SRGAP1: variants seen among roughly 807,000 people sequenced by gnomAD.
The protein encoded by SRGAP1 is SLIT-ROBO Rho GTPase-activating protein 1.
In SRGAP1, 43 loss-of-function variants were observed where a neutral mutation model predicts 121.9. That is an observed-to-expected ratio of 0.35 (90% CI 0.28 to 0.46). SRGAP1 has a LOEUF of 0.46. Among genes scored for constraint, SRGAP1 ranks in the 20% least tolerant of loss-of-function variants. SRGAP1 has a pLI of 1.00. For missense variants in SRGAP1, 1,102 were observed against 1,350.9 expected (o/e 0.82, Z 2.89); for synonymous variants, 447 against 485.4 (o/e 0.92, Z 1.04).
intron 6 of SRGAP1, among the ~76,000 whole-genome samples, chr12:64,044,656 T>C (rs1233686359): frequency 7.4e-5 from 11 of 148,118 alleles, no homozygotes; most frequent in Non-Finnish European, 1.3e-4. Context: ...TTTAGCTTAT[T>C]AACACTCTGA....
At chr12:64,129,183 G>T (rs2036745800) in intron 21 of SRGAP1, among the ~76,000 whole-genome samples, 1 of 151,970 alleles carries the variant, frequency 6.6e-6, no homozygotes, top group Admixed American at 6.6e-5. Flanking sequence ...TACATATAAA[G>T]GGGAGTTTAT....
intron 10 of SRGAP1, among the ~76,000 whole-genome samples, chr12:64,085,604 C>T (rs2035923348): frequency 6.6e-6 from 1 of 152,130 alleles, no homozygotes; most frequent in Non-Finnish European, 1.5e-5. Flanking sequence ...ATTAGGATAT[C>T]CCATAAGGCA....
chr12:64,053,303 G>A (rs2035274781), intron 6 of SRGAP1, among the ~76,000 whole-genome samples: 1 of 152,198 alleles, frequency 6.6e-6, no homozygotes, highest in South Asian at 2.1e-4. Flanking sequence ...TAATAAGTAA[G>A]CAAACGGGTG....
intron 4 of SRGAP1, among the ~76,000 whole-genome samples, chr12:64,028,529 A>C (rs1418229364): frequency 6.6e-6 from 1 of 152,248 alleles, no homozygotes; most frequent in Non-Finnish European, 1.5e-5. Flanking sequence ...AAAATACCAC[A>C]AACTGGGTGG....
intron 3 of SRGAP1, among the ~76,000 whole-genome samples, chr12:64,002,058 C>T (rs922099781): frequency 6.6e-6 from 1 of 152,146 alleles, no homozygotes; most frequent in South Asian, 2.1e-4. Flanking sequence ...ACTTCTTTTC[C>T]TTCAGTATCC....
At chr12:63,960,214 A>G (rs1367304626) in intron 1 of SRGAP1, among the ~76,000 whole-genome samples, 1 of 152,206 alleles carries the variant, frequency 6.6e-6, no homozygotes, top group African/African-American at 2.4e-5. Flanking sequence ...CACCAACTGG[A>G]ATTCCGAGAG....
chr12:64,109,947 T>C (rs558769740), intron 16 of SRGAP1, among the ~76,000 whole-genome samples: 14 of 152,310 alleles, frequency 9.2e-5, no homozygotes, highest in African/African-American at 3.4e-4. Flanking sequence ...TAGGGAAATG[T>C]TGGCAGAGAA....
intron 21 of SRGAP1, 75 bp from the exon 22 acceptor site, chr12:64,142,220 T>G: frequency 6.6e-7 from 1 of 1,504,958 alleles, no homozygotes; most frequent in Non-Finnish European, 9.0e-7. Flanking sequence ...ACTTTGAAAT[T>G]AAGTGTCTGG....
intron 1 of SRGAP1, among the ~76,000 whole-genome samples, chr12:63,937,696 A>G (rs753534299): frequency 4.6e-5 from 7 of 152,222 alleles, no homozygotes; most frequent in Non-Finnish European, 8.8e-5. Context: ...GGCCTTTTGT[A>G]GCTTCTTAAT....
At chr12:64,100,036 C>A (rs1294803194) in intron 15 of SRGAP1, among the ~76,000 whole-genome samples, 1 of 152,146 alleles carries the variant, frequency 6.6e-6, no homozygotes, top group Non-Finnish European at 1.5e-5. Context: ...TGTTTCTTCA[C>A]CTACTTCATA....
chr12:64,003,630 A>G (rs2033983177), intron 3 of SRGAP1, among the ~76,000 whole-genome samples: 1 of 152,170 alleles, frequency 6.6e-6, no homozygotes, highest in South Asian at 2.1e-4. Context: ...GTAGTGTAAC[A>G]GATATTACCT....
chr12:63,923,583 T>C (rs2031148855), intron 1 of SRGAP1, among the ~76,000 whole-genome samples: 1 of 152,226 alleles, frequency 6.6e-6, no homozygotes, highest in Admixed American at 6.5e-5. Flanking sequence ...AATTATCTGC[T>C]TCCGAATGCC....
intron 6 of SRGAP1, 74 bp from the exon 7 acceptor site, chr12:64,062,843 C>G: frequency 1.8e-6 from 2 of 1,116,824 alleles, no homozygotes; most frequent in East Asian, 2.5e-5. Flanking sequence ...AGTTTTATAG[C>G]TGTAGGTCTC....
intron 10 of SRGAP1, among the ~76,000 whole-genome samples, chr12:64,083,464 T>G (rs1177607164): frequency 1.3e-5 from 2 of 152,206 alleles, no homozygotes; most frequent in Non-Finnish European, 2.9e-5. Context: ...TTTACAACAT[T>G]GTGAAGCAAC....
chr12:64,046,913 G>T (rs1420654828), intron 6 of SRGAP1, among the ~76,000 whole-genome samples: 2 of 151,278 alleles, frequency 1.3e-5, no homozygotes, highest in Non-Finnish European at 2.9e-5. Context: ...CCATTTTATA[G>T]ACTGAAAAAA....
chr12:64,124,192 T>C (rs1180158138), intron 18 of SRGAP1, among the ~76,000 whole-genome samples: 2 of 152,266 alleles, frequency 1.3e-5, no homozygotes, highest in African/African-American at 2.4e-5. Context: ...TTGGTTTTTA[T>C]GCTTTCGCCT....
chr12:63,983,844 A>ATT (rs2033339957), intron 1 of SRGAP1, 103 bp from the exon 2 acceptor site: 1 of 86,194 alleles, frequency 1.2e-5, no homozygotes, highest in Admixed American at 1.3e-4. Context: ...ATATATATAT[A>ATT]TATATATATA....
At chr12:64,032,518 C>A in intron 4 of SRGAP1, 1 of 1,209,352 alleles carries the variant, frequency 8.3e-7, no homozygotes, top group Non-Finnish European at 1.2e-6. Flanking sequence ...TGGAGCAGGC[C>A]TGGGCCAGCA....
chr12:63,928,619 G>A (rs1304465609), intron 1 of SRGAP1, among the ~76,000 whole-genome samples: 1 of 152,134 alleles, frequency 6.6e-6, no homozygotes, highest in Non-Finnish European at 1.5e-5. Context: ...TGGCACCAGA[G>A]ACTGGTTTCA....
Sources: gnomAD v4.1 joint callset for allele counts (sites outside exome capture counted in the v4.1 genomes callset) on GRCh38, gnomAD v4.1.1 for gene constraint, MANE v1.5 for transcripts, NCBI Gene and HGNC (gene_info 2026-07-23, HGNC 2026-07-21) for gene names.